The following KBTBD11 variants were observed in gnomAD, a reference collection of about 807,000 sequenced individuals.
The protein encoded by KBTBD11 is kelch repeat and BTB domain containing 11, also known as kelch repeat and BTB domain-containing protein 11.
For missense variants in KBTBD11, 1,390 were observed against 1,001.8 expected (o/e 1.39, Z -5.23); for synonymous variants, 747 against 499.0 (o/e 1.50, Z -6.63).
chr8:2,001,592 G>A lies in KBTBD11; in HGVS notation c.400G>A (p.Gly134Arg), dbSNP rs1817361997. The change falls in exon 2 of 2, where the codon GGG (glycine) becomes AGG (arginine). Residue 134 changes from glycine to arginine, a missense_variant. Physicochemically the swap from Gly to Arg is moderately radical, Grantham distance 125. Transcript: ENST00000320248. ...GCCCGCGCCCGTACCCCCGGGGTTC[G>A]GGGCGGTGTACGGGGAGCCGGACCT... ...GEPAPVPPGF[G>R]AVYGEPDLVL... 6.8e-7 allele frequency: 1 copy of A among 1,464,006 alleles called. No homozygotes were observed. The highest frequency in any genetic ancestry group is 9.0e-7 in the Non-Finnish European group (1 of 1,113,328). 90.7% of individuals were successfully genotyped at this position (1,464,006 alleles called of 1,614,324 possible). A position where few individuals can be genotyped will look rare whatever the true frequency, so the allele number is the denominator to read the frequency against.
In KBTBD11 at chr8:2,003,382, G is replaced by T. The variant is rs1817472222; in HGVS notation, c.*318G>T. On this transcript the variant is annotated 3_prime_UTR_variant, in exon 2 of 2. Transcript: ENST00000320248. Reference sequence around the variant, plus strand: ...GTGGGGGTTCCTGAGGCAGCCTGCAGCCGGCCCCGGGGTGTCCCGAACCCC... The same window carrying T: ...GTGGGGGTTCCTGAGGCAGCCTGCATCCGGCCCCGGGGTGTCCCGAACCCC... 3.7e-6 allele frequency: 1 copy of T among 268,142 alleles called. No individual in the cohort carries two copies. Among genetic ancestry groups the T allele is most frequent in the Non-Finnish European group, 7.3e-6 (1 of 136,584 alleles). 16.6% of individuals were successfully genotyped at this position (268,142 alleles called of 1,614,324 possible).
Position 2,001,356 on chromosome 8 carries a change from C to A in KBTBD11, c.164C>A (p.Ala55Asp). 6.7e-7 allele frequency: 1 copy of A among 1,488,114 alleles called. No homozygotes were observed. The highest frequency in any genetic ancestry group is 8.9e-7 in the Non-Finnish European group (1 of 1,124,658). 92.2% of individuals were successfully genotyped at this position (1,488,114 alleles called of 1,614,324 possible). A position where few individuals can be genotyped will look rare whatever the true frequency, so the allele number is the denominator to read the frequency against. The change falls in exon 2 of 2, where the codon GCC becomes GAC. Residue 55 changes from alanine to aspartate, a missense_variant. Transcript: ENST00000320248. ...SGEESPPQSL[A>D]SAAEGAATSP... ...GAAGAGTCCCCGCCGCAGTCCCTCG[C>A]CTCAGCGGCGGAAGGCGCGGCCACC...
At position 2,005,851 on chromosome 8, in the gene KBTBD11, A is replaced by C. The variant is rs1206860869; in HGVS notation, c.*2787A>C. ...TTTTGGGGAAAATGTTATGCATGGA[A>C]GCCTGACCTTTTGCTTAGTTGACAG... On this transcript the variant is annotated 3_prime_UTR_variant, in exon 2 of 2. Transcript: ENST00000320248. 1.2e-5 allele frequency: 2 copies of C among 167,080 alleles called. No homozygotes were observed. The highest frequency in any genetic ancestry group is 2.9e-5 in the Non-Finnish European group (2 of 68,114). The allele number at this position is 167,080 out of a possible 1,614,324, so 10.3% of individuals were successfully genotyped here. A position where few individuals can be genotyped will look rare whatever the true frequency, so the allele number is the denominator to read the frequency against.
At chr8:1,989,488 A>C (rs4545147) in intron 1 of KBTBD11, among the ~76,000 whole-genome samples, 5 of 151,982 alleles carry the variant, frequency 3.3e-5, no homozygotes, top group Admixed American at 3.3e-4. Context: ...TCTACTTTCA[A>C]GTATGGTCCA....
intron 1 of KBTBD11, among the ~76,000 whole-genome samples, chr8:1,996,760 G>T (rs1232944408): frequency 6.6e-6 from 1 of 152,022 alleles, no homozygotes; most frequent in Non-Finnish European, 1.5e-5. Flanking sequence ...AATATATAAT[G>T]TCCACATTGG....
intron 1 of KBTBD11, among the ~76,000 whole-genome samples, chr8:1,976,991 C>G (rs1459882390): frequency 6.6e-6 from 1 of 152,142 alleles, no homozygotes. Context: ...GAGCAAGGTC[C>G]TCCAACCCAT....
chr8:1,989,897 G>C (rs1219653630), intron 1 of KBTBD11, among the ~76,000 whole-genome samples: 2 of 149,110 alleles, frequency 1.3e-5, no homozygotes, highest in African/African-American at 5.0e-5. Flanking sequence ...CAGCTCACTA[G>C]GGAACAGATA....
intron 1 of KBTBD11, among the ~76,000 whole-genome samples, chr8:1,993,260 CTGAG>C (rs1350372326): frequency 2.0e-5 from 3 of 152,056 alleles, no homozygotes; most frequent in Non-Finnish European, 4.4e-5. Context: ...GTGGTTTCAT[CTGAG>C]TATTTTCAGT....
At chr8:1,982,799 G>C (rs1179432019) in intron 1 of KBTBD11, among the ~76,000 whole-genome samples, 1 of 151,242 alleles carries the variant, frequency 6.6e-6, no homozygotes, top group African/African-American at 2.4e-5. Context: ...CTGGAGTGCA[G>C]TGGTGTGATC....
chr8:1,987,138 G>A (rs1461820248), intron 1 of KBTBD11, among the ~76,000 whole-genome samples: 1 of 151,918 alleles, frequency 6.6e-6, no homozygotes, highest in East Asian at 1.9e-4. Flanking sequence ...CTCTTCAGAA[G>A]TGATCAATAC....
In KBTBD11 at chr8:2,002,363, A is replaced by T. The variant is rs986872277; in HGVS notation, c.1171A>T (p.Ser391Cys). 1.4e-6 allele frequency: 2 copies of T among 1,465,656 alleles called. No individual in the cohort carries two copies. The highest frequency in any genetic ancestry group is 3.0e-5 in the African/African-American group (2 of 67,438). 90.8% of individuals were successfully genotyped at this position (1,465,656 alleles called of 1,614,324 possible). The change falls in exon 2 of 2, where the codon AGC becomes TGC. Residue 391 changes from serine (S) to cysteine (C), a missense_variant. By Grantham distance (112) the Ser-to-Cys change is moderately radical. Coordinates refer to ENST00000320248, the MANE Select transcript of KBTBD11 (RefSeq NM_014867.3). This position sits in a 1 kb window ranked among gnomAD's most constrained non-coding sequence, Gnocchi z 4.1. The part of the protein sequence containing the change: ...QVFCYNPATD[S>C]WSAVRPLRQA... Reference sequence around the variant, plus strand: ...CTTCTGCTACAACCCGGCCACGGACAGCTGGAGCGCCGTGAGGCCCCTGCG... The same window carrying T: ...CTTCTGCTACAACCCGGCCACGGACTGCTGGAGCGCCGTGAGGCCCCTGCG...
At chr8:1,974,540 C>T (rs1363065731) in intron 1 of KBTBD11, 14 of 985,054 alleles carry the variant, frequency 1.4e-5, no homozygotes, top group Non-Finnish European at 1.7e-5. Flanking sequence ...GGTCCTCCGC[C>T]GCTGCGCCCG....
In KBTBD11 at chr8:2,002,054, C is replaced by A. The variant is rs2129316637; in HGVS notation, c.862C>A (p.Arg288Ser). 1 of 1,178,230 alleles carries A rather than the reference C, an allele frequency of 8.5e-7. No homozygotes were observed. Among genetic ancestry groups the A allele is most frequent in the Non-Finnish European group, 1.0e-6 (1 of 954,018 alleles). 73.0% of individuals were successfully genotyped at this position (1,178,230 alleles called of 1,614,324 possible). A position where few individuals can be genotyped will look rare whatever the true frequency, so the allele number is the denominator to read the frequency against. Reference sequence around the variant, plus strand: ...AGAGCGGGACCTGCTGCTGCGCCGCCGCCTGCGCGCCGGCCGCGCCCACCT... The same window carrying A: ...AGAGCGGGACCTGCTGCTGCGCCGCAGCCTGCGCGCCGGCCGCGCCCACCT... The part of the protein sequence containing the change: ...GAERDLLLRR[R>S]LRAGRAHLLA... Residue 288 changes from arginine to serine, a missense_variant, in exon 2 of 2, where the codon CGC (arginine) becomes AGC (serine). Coordinates refer to ENST00000320248, the MANE Select transcript of KBTBD11 (RefSeq NM_014867.3). The surrounding 1 kb of genome is among the most constrained non-coding windows in gnomAD (Gnocchi z 4.1).
Position 1,973,955 on chromosome 8 carries a change from G to C in KBTBD11, c.-909+20G>C. The stretch of plus-strand genomic sequence containing the variant: ...GGCGAGGTAGGGCGGACCCCGGGGA[G>C]GCAGCGGCGGGGCCTGGCGGGCGGA... On this transcript the variant is annotated intron_variant, in intron 1 of 1. Coordinates refer to ENST00000320248, the MANE Select transcript of KBTBD11 (RefSeq NM_014867.3). 1 of 983,192 alleles carries C rather than the reference G, an allele frequency of 1.0e-6. No individual in the cohort carries two copies. Among genetic ancestry groups the C allele is most frequent in the Non-Finnish European group, 1.2e-6 (1 of 828,594 alleles). 60.9% of individuals were successfully genotyped at this position (983,192 alleles called of 1,614,324 possible). A position where few individuals can be genotyped will look rare whatever the true frequency, so the allele number is the denominator to read the frequency against.
chr8:1,997,148 G>A (rs978645628), intron 1 of KBTBD11, among the ~76,000 whole-genome samples: 9 of 152,048 alleles, frequency 5.9e-5, no homozygotes, highest in African/African-American at 2.2e-4. Flanking sequence ...GCGGGGGGTG[G>A]GCGAGTTTCA....
intron 1 of KBTBD11, among the ~76,000 whole-genome samples, chr8:1,998,642 G>C (rs1349244998): frequency 6.6e-6 from 1 of 152,178 alleles, no homozygotes; most frequent in Non-Finnish European, 1.5e-5. Context: ...GATTTTAGGG[G>C]CTATGTCTTC....
Position 2,001,156 on chromosome 8 carries a change from C to T in KBTBD11, c.-37C>T. The T allele has an allele frequency of 7.7e-7, 1 of 1,296,166 alleles. No individual in the cohort carries two copies. Among genetic ancestry groups the T allele is most frequent in the African/African-American group, 1.5e-5 (1 of 64,892 alleles). 80.3% of individuals were successfully genotyped at this position (1,296,166 alleles called of 1,614,324 possible). ...TTGGCCAGACCTGCAGGCTGCGGAA[C>T]CGGGGGCGCGCGGGCGCAGCGCAGC... On this transcript the variant is annotated 5_prime_UTR_variant, in exon 2 of 2. Coordinates refer to ENST00000320248, the MANE Select transcript of KBTBD11 (RefSeq NM_014867.3).
rs1228838459 is a variant in KBTBD11, at chr8:2,003,872, T to G, written c.*808T>G. ...ACAGCACATCATAAGTAGGAAAAACTTACCAGGGTGCTTGTCTATCTAAAA... is the reference window on the plus strand; with the variant it reads ...ACAGCACATCATAAGTAGGAAAAACGTACCAGGGTGCTTGTCTATCTAAAA... On this transcript the variant is annotated 3_prime_UTR_variant, in exon 2 of 2. Transcript: ENST00000320248. 2 of 166,972 alleles carry G rather than the reference T, an allele frequency of 1.2e-5. No homozygotes were observed. The highest frequency in any genetic ancestry group is 4.8e-5 in the African/African-American group (2 of 41,456). 10.3% of individuals were successfully genotyped at this position (166,972 alleles called of 1,614,324 possible).
At position 2,004,312 on chromosome 8, in the gene KBTBD11, C is replaced by T. The variant is rs1378240627; in HGVS notation, c.*1248C>T. 1 of 166,714 alleles carries T rather than the reference C, an allele frequency of 6.0e-6. No individual in the cohort carries two copies. Among genetic ancestry groups the T allele is most frequent in the African/African-American group, 2.4e-5 (1 of 41,436 alleles). The allele number at this position is 166,714 out of a possible 1,614,324, so 10.3% of individuals were successfully genotyped here. A position where few individuals can be genotyped will look rare whatever the true frequency, so the allele number is the denominator to read the frequency against. On this transcript the variant is annotated 3_prime_UTR_variant, in exon 2 of 2. Coordinates refer to ENST00000320248, the MANE Select transcript of KBTBD11 (RefSeq NM_014867.3). ...GGGTCGTTTCTCATTTAACATTTTA[C>T]TTTTCAAGTGTGTATACAGAGGACT...
Sources: allele counts gnomAD v4.1 joint callset (sites outside exome capture counted in the v4.1 genomes callset), GRCh38; gene constraint gnomAD v4.1.1; non-coding constraint Gnocchi (gnomAD v3.1); transcripts MANE v1.5; gene names NCBI Gene and HGNC (gene_info 2026-07-23, HGNC 2026-07-21).